GAP43: variants seen among roughly 807,000 people sequenced by gnomAD.
GAP43 encodes neuromodulin.
Under a neutral mutation model 18.6 loss-of-function variants are expected in GAP43, and 6 were observed. That is an observed-to-expected ratio of 0.32 (90% CI 0.18 to 0.64). The LOEUF (loss-of-function observed/expected upper bound fraction) is 0.64. Among genes scored for constraint, GAP43 ranks in the 30% least tolerant of loss-of-function variants. The pLI, the probability that GAP43 is intolerant of heterozygous loss-of-function variation, is 0.78. For missense variants in GAP43, 292 were observed against 295.5 expected (o/e 0.99, Z 0.09); for synonymous variants, 115 against 111.4 (o/e 1.03, Z -0.20).
chr3:115,663,621 G>T, intron 1 of GAP43: 1 of 1,344,652 alleles, frequency 7.4e-7, no homozygotes, highest in South Asian at 2.1e-5. Flanking sequence ...GCATCACCTG[G>T]GTGACGAGGT....
intron 1 of GAP43, among the ~76,000 whole-genome samples, chr3:115,673,270 C>G (rs1306155357): frequency 6.6e-6 from 1 of 152,042 alleles, no homozygotes; most frequent in African/African-American, 2.4e-5. Flanking sequence ...AAATTGAGAG[C>G]CCTTTCTTTA....
chr3:115,706,070 A>G (rs965227882), intron 2 of GAP43, among the ~76,000 whole-genome samples: 2 of 152,148 alleles, frequency 1.3e-5, no homozygotes, highest in East Asian at 1.9e-4. Flanking sequence ...AGTGTTTTGC[A>G]TAAGTAGAAA....
chr3:115,651,694 C>T (rs1576982664), intron 1 of GAP43, among the ~76,000 whole-genome samples: 1 of 152,274 alleles, frequency 6.6e-6, no homozygotes, highest in South Asian at 2.1e-4. Context: ...CTGGCCCGTG[C>T]TTTTCTTAAA....
In GAP43 at chr3:115,720,865, G is replaced by A; in HGVS notation, c.700G>A (p.Asp234Asn). 9 of 1,612,204 alleles carry A rather than the reference G, an allele frequency of 5.6e-6. No homozygotes were observed. The highest frequency in any genetic ancestry group is 7.6e-6 in the Non-Finnish European group (9 of 1,178,792). Residue 234 changes from aspartate (D) to asparagine (N), a missense_variant, in exon 3 of 3, where the codon GAC (aspartate) becomes AAC (asparagine). By Grantham distance (23) the Asp-to-Asn change is conservative. Transcript: ENST00000305124. ...DEGKEEEPEA[D>N]QEHA ...GGGTAAAGAAGAGGAACCTGAGGCT[G>A]ACCAAGAACATGCCTGAACTCTAAG...
intron 2 of GAP43, among the ~76,000 whole-genome samples, chr3:115,694,506 A>C (rs1348880927): frequency 6.6e-6 from 1 of 152,220 alleles, no homozygotes; most frequent in African/African-American, 2.4e-5. Flanking sequence ...AATACAGATA[A>C]CATTTACTTA....
chr3:115,653,106 T>C (rs752063259), intron 1 of GAP43, among the ~76,000 whole-genome samples: 35 of 152,198 alleles, frequency 2.3e-4, no homozygotes, highest in Non-Finnish European at 4.9e-4. Context: ...GGGAGAATAC[T>C]GACAACAGGG....
intron 2 of GAP43, among the ~76,000 whole-genome samples, chr3:115,682,662 T>A (rs746959529): frequency 6.6e-6 from 1 of 152,128 alleles, no homozygotes; most frequent in Non-Finnish European, 1.5e-5. Flanking sequence ...TCAACCTCCC[T>A]AGTGGCTGGG....
chr3:115,635,972 T>A (rs1292881193), intron 1 of GAP43, among the ~76,000 whole-genome samples: 3 of 152,112 alleles, frequency 2.0e-5, no homozygotes, highest in Non-Finnish European at 4.4e-5. Flanking sequence ...TGGAAACTGA[T>A]TGGTTTGTGT....
intron 1 of GAP43, among the ~76,000 whole-genome samples, chr3:115,637,355 A>G (rs927448857): frequency 2.0e-5 from 3 of 152,098 alleles, no homozygotes; most frequent in African/African-American, 7.2e-5. Flanking sequence ...GGGAATGTAC[A>G]AGCCAAATAA....
chr3:115,643,128 A>G (rs1330821155), intron 1 of GAP43, among the ~76,000 whole-genome samples: 1 of 152,094 alleles, frequency 6.6e-6, no homozygotes, highest in Non-Finnish European at 1.5e-5. Context: ...GGCTGCCTCT[A>G]CTTAGAAACC....
intron 2 of GAP43, among the ~76,000 whole-genome samples, chr3:115,683,700 C>A (rs1481482749): frequency 6.6e-6 from 1 of 151,962 alleles, no homozygotes; most frequent in African/African-American, 2.4e-5. Context: ...TTAATAAAAC[C>A]TTGGATGCTT....
At chr3:115,636,948 T>C (rs960982832) in intron 1 of GAP43, among the ~76,000 whole-genome samples, 1 of 152,138 alleles carries the variant, frequency 6.6e-6, no homozygotes, top group Non-Finnish European at 1.5e-5. Context: ...TACTTGGATA[T>C]TCTGTCCCAC....
intron 2 of GAP43, among the ~76,000 whole-genome samples, chr3:115,713,253 G>C (rs1709463750): frequency 6.6e-6 from 1 of 152,164 alleles, no homozygotes; most frequent in South Asian, 2.1e-4. Context: ...TAAAAAGAGA[G>C]GAAGCAAACA....
At chr3:115,623,767 T>A in intron 1 of GAP43, 48 bp downstream of exon 1, 2 of 1,606,590 alleles carry the variant, frequency 1.2e-6, no homozygotes, top group South Asian at 2.2e-5. Context: ...ATAACCCGAG[T>A]ACAGTATTTC....
chr3:115,676,218 A>T lies in GAP43; in HGVS notation c.236A>T (p.Glu79Val). ...GAAGCCCCTGTTGCCGATGGGGTGG[A>T]GAAGAAGGGAGAAGGCACCACTACT... Reference protein sequence around the residue: ...KDEAPVADGVEKKGEGTTTAE... With the variant: ...KDEAPVADGVVKKGEGTTTAE... Residue 79 changes from glutamate to valine, a missense_variant, in exon 2 of 3, where the codon GAG (glutamate) becomes GTG (valine). By Grantham distance (121) the Glu-to-Val change is moderately radical (BLOSUM62 -2). Coordinates refer to ENST00000305124, the MANE Select transcript of GAP43 (RefSeq NM_002045.4). 1.2e-6 allele frequency: 2 copies of T among 1,614,154 alleles called. No individual in the cohort carries two copies. The highest frequency in any genetic ancestry group is 1.7e-6 in the Non-Finnish European group (2 of 1,180,026).
At chr3:115,655,755 C>T (rs767904717) in intron 1 of GAP43, among the ~76,000 whole-genome samples, 17 of 152,124 alleles carry the variant, frequency 1.1e-4, no homozygotes, top group Non-Finnish European at 2.1e-4. Context: ...TATTCAATGA[C>T]ATTATGCAAA....
rs545736084 is a variant in GAP43 at position 115,679,583 on chromosome 3, G to T, written c.628+2973G>T. Among the ~76,000 whole-genome samples, 3 of 152,326 alleles carry T rather than the reference G, an allele frequency of 2.0e-5. No individual in the cohort carries two copies. In the South Asian group the frequency reaches 6.2e-4, roughly 32 times the overall value. The stretch of plus-strand genomic sequence containing the variant: ...GTGGGACACTGCCCCATTCAGTCAT[G>T]AGTAGAGAACTTTGAAGCCCCCTTT... On this transcript the variant is annotated intron_variant, in intron 2 of 2. Transcript: ENST00000305124.
chr3:115,677,042 C>G (rs1193417159), intron 2 of GAP43, among the ~76,000 whole-genome samples: 1 of 152,094 alleles, frequency 6.6e-6, no homozygotes, highest in Non-Finnish European at 1.5e-5. Flanking sequence ...TAAATACAGC[C>G]ATCCTCTTCT....
At chr3:115,696,901 C>T (rs933726714) in intron 2 of GAP43, among the ~76,000 whole-genome samples, 2 of 151,620 alleles carry the variant, frequency 1.3e-5, no homozygotes, top group East Asian at 1.9e-4. Context: ...GGTGCAATCT[C>T]AGCTCACTGC....
Sources: gnomAD v4.1 joint callset for allele counts (sites outside exome capture counted in the v4.1 genomes callset) on GRCh38, gnomAD v4.1.1 for gene constraint, MANE v1.5 for transcripts, NCBI Gene and HGNC (gene_info 2026-07-23, HGNC 2026-07-21) for gene names.